The following STARD13 variants were observed in gnomAD, a reference collection of about 807,000 sequenced individuals.
STARD13 encodes the protein stAR-related lipid transfer protein 13.
Under a neutral mutation model 106.4 loss-of-function variants are expected in STARD13, and 62 were observed. The ratio of observed to expected loss-of-function variants is 0.58; its 90% CI spans 0.48 to 0.72. The LOEUF is 0.72. STARD13 is among the 30% of genes least tolerant of loss of function. The probability of loss-of-function intolerance (pLI) is 0.00; values close to 1 mark genes in which losing one functional copy is unlikely to be tolerated. For missense variants in STARD13, 1,387 were observed against 1,424.0 expected (o/e 0.97, Z 0.42); for synonymous variants, 565 against 553.0 (o/e 1.02, Z -0.31).
intron 1 of STARD13, among the ~76,000 whole-genome samples, chr13:33,248,322 G>A (rs148650920): frequency 0.019 from 2,890 of 152,296 alleles, 94 homozygotes; most frequent in African/African-American, 0.067. Flanking sequence ...GGGCGACAGA[G>A]TGAGAACTTC....
At chr13:33,169,731 C>T (rs568034201) in intron 1 of STARD13, among the ~76,000 whole-genome samples, 1 of 152,260 alleles carries the variant, frequency 6.6e-6, no homozygotes, top group African/African-American at 2.4e-5. Context: ...GGAAGACCCA[C>T]AAGACAGGGG....
chr13:33,515,845 T>A, the STARD13 span, among the ~76,000 whole-genome samples: 114 of 152,108 alleles, frequency 7.5e-4, 1 homozygote, highest in African/African-American at 2.5e-3. Context: ...ATAAAACAAA[T>A]CTAAGATGCT....
chr13:33,234,937 T>C (rs1490910178), intron 1 of STARD13, among the ~76,000 whole-genome samples: 2 of 152,248 alleles, frequency 1.3e-5, no homozygotes, highest in Non-Finnish European at 2.9e-5. Context: ...ATTTGTATGT[T>C]TTTATCTGCA....
chr13:33,524,484 A>G, the STARD13 span: 1 of 160,700 alleles, frequency 6.2e-6, no homozygotes, highest in East Asian at 1.8e-4. Flanking sequence ...TTAAACTACA[A>G]TCATTTTGAA....
At chr13:33,445,927 G>A in the STARD13 span, among the ~76,000 whole-genome samples, 2 of 152,012 alleles carry the variant, frequency 1.3e-5, no homozygotes, top group Non-Finnish European at 2.9e-5. Context: ...CTCCAACATT[G>A]AAATTAAATT....
chr13:33,606,898 G>C, the STARD13 span, among the ~76,000 whole-genome samples: 1 of 152,152 alleles, frequency 6.6e-6, no homozygotes, highest in Non-Finnish European at 1.5e-5. Context: ...CTTTCAGACC[G>C]CTTCTTCTGC....
At chr13:33,668,750 C>T in the STARD13 span, among the ~76,000 whole-genome samples, 1 of 152,292 alleles carries the variant, frequency 6.6e-6, no homozygotes, top group African/African-American at 2.4e-5. Context: ...CCTTTTGTTA[C>T]AGGGATGGTT....
At chr13:33,653,806 AC>A in the STARD13 span, among the ~76,000 whole-genome samples, 10 of 152,216 alleles carry the variant, frequency 6.6e-5, no homozygotes, top group African/African-American at 2.4e-4. Flanking sequence ...TCCAGAATAT[AC>A]AAAGATCTCT....
At chr13:33,619,511 A>T in the STARD13 span, among the ~76,000 whole-genome samples, 1 of 152,230 alleles carries the variant, frequency 6.6e-6, no homozygotes, top group Non-Finnish European at 1.5e-5. Flanking sequence ...TTAATTTTAA[A>T]TTAATAGTTT....
In STARD13 at chr13:33,266,282, A is replaced by G. The variant is rs149794024; in HGVS notation, c.169+19188T>C. Among the ~76,000 whole-genome samples the G allele has an allele frequency of 1.4e-3, 220 of 152,352 alleles. 1 individual carries two copies. Among genetic ancestry groups the G allele is most frequent in the Non-Finnish European group, 1.5e-3 (102 of 68,032 alleles). On this transcript the variant is annotated intron_variant, in intron 1 of 13. Transcript: ENST00000336934. ...CTTCCTCTTCTGAGGATTACATGAC[A>G]TAATTATTGATCATGTTTAGGCAGG...
Position 33,130,854 on chromosome 13 carries a change from C to T in STARD13, c.388-565G>A, listed in dbSNP as rs1878186806. ...CTGGATAAGGTAACAGCAAAATGAA[C>T]CACTGAATTTCTTTAAGTAGAGATG... On this transcript the variant is annotated intron_variant, in intron 4 of 13. Transcript: ENST00000336934. The surrounding 1 kb of genome is among the most constrained non-coding windows in gnomAD (Gnocchi z 4.1). Among the ~76,000 whole-genome samples the T allele has an allele frequency of 6.6e-6, 1 of 152,174 alleles. No homozygotes were observed. Among genetic ancestry groups the T allele is most frequent in the African/African-American group, 2.4e-5 (1 of 41,456 alleles).
intron 1 of STARD13, among the ~76,000 whole-genome samples, chr13:33,338,898 A>C (rs1454679728): frequency 7.0e-6 from 1 of 142,858 alleles, no homozygotes; most frequent in Non-Finnish European, 1.5e-5. Flanking sequence ...AAAAAAAAAA[A>C]AAAAAAAGAA....
At chr13:33,269,108 T>G (rs1018345327) in intron 1 of STARD13, among the ~76,000 whole-genome samples, 2 of 152,106 alleles carry the variant, frequency 1.3e-5, no homozygotes, top group African/African-American at 4.8e-5. Context: ...TAAAAAAAAG[T>G]TAGGATACCC....
chr13:33,331,125 AC>A (rs11364501), intron 1 of STARD13, among the ~76,000 whole-genome samples: 32,919 of 151,888 alleles, frequency 0.22, 3,832 homozygotes, highest in African/African-American at 0.24. Flanking sequence ...TCTGGCTCTG[AC>A]CCCCCTTGCT....
chr13:33,666,621 C>G, the STARD13 span, among the ~76,000 whole-genome samples: 1 of 151,954 alleles, frequency 6.6e-6, no homozygotes, highest in Admixed American at 6.6e-5. Context: ...CAGAGTCACG[C>G]TCTGTCACCC....
At chr13:33,185,627 G>A (rs1452998634) in intron 1 of STARD13, among the ~76,000 whole-genome samples, 2 of 152,032 alleles carry the variant, frequency 1.3e-5, no homozygotes, top group African/African-American at 2.4e-5. Flanking sequence ...TCCTAAAATC[G>A]ACCCTCCAAC....
At chr13:33,523,330 AT>A in the STARD13 span, among the ~76,000 whole-genome samples, 1 of 152,130 alleles carries the variant, frequency 6.6e-6, no homozygotes, top group Non-Finnish European at 1.5e-5. Context: ...CCCTGCCCAT[AT>A]CTTGCTGAGT....
Position 33,116,120 on chromosome 13 carries a change from C to T in STARD13, c.2281+1945G>A, listed in dbSNP as rs904007509. Among the ~76,000 whole-genome samples, 3 of 152,164 alleles carry T rather than the reference C, an allele frequency of 2.0e-5. No homozygotes were observed. In the South Asian group the frequency reaches 6.2e-4, roughly 32 times the overall value. ...CACTCCTTGCCCTAATATTCAATGT[C>T]CTTCCTTTATGGCCCCAGCGTCATT... On this transcript the variant is annotated intron_variant, in intron 8 of 13. Coordinates refer to ENST00000336934, the MANE Select transcript of STARD13 (RefSeq NM_178006.4).
At chr13:33,648,138 A>G in the STARD13 span, among the ~76,000 whole-genome samples, 1,307 of 152,354 alleles carry the variant, frequency 8.6e-3, 16 homozygotes, top group African/African-American at 0.03. Flanking sequence ...CAAGTACATT[A>G]TAAACACTAA....
Sources: allele counts gnomAD v4.1 joint callset (sites outside exome capture counted in the v4.1 genomes callset), GRCh38; gene constraint gnomAD v4.1.1; non-coding constraint Gnocchi (gnomAD v3.1); transcripts MANE v1.5; gene names NCBI Gene and HGNC (gene_info 2026-07-23, HGNC 2026-07-21).